The following OTOGL variants were observed in gnomAD, a reference collection of about 807,000 sequenced individuals.
OTOGL encodes the protein otogelin-like protein.
Under a neutral mutation model 318.5 loss-of-function variants are expected in OTOGL, and 285 were observed. That is an observed-to-expected ratio of 0.89 (90% CI 0.81 to 0.99). The LOEUF (loss-of-function observed/expected upper bound fraction) is 0.99, where lower values mean the gene tolerates loss of function less well. Among genes scored for constraint, OTOGL ranks in the 50% least tolerant of loss-of-function variants. OTOGL has a pLI of 0.00. For synonymous variants in OTOGL, 987 were observed against 936.5 expected, an observed-to-expected ratio of 1.05 and a Z score of -0.99; for missense variants, 2,899 against 2,845.6, an observed-to-expected ratio of 1.02 and a Z score of -0.43.
intron 1 of OTOGL, among the ~76,000 whole-genome samples, chr12:80,149,246 T>C (rs1872609265): frequency 6.6e-6 from 1 of 152,184 alleles, no homozygotes; most frequent in Non-Finnish European, 1.5e-5. Flanking sequence ...TGGATGTCCT[T>C]TCTGTTTGTT....
At chr12:80,155,359 C>T (rs1423901754) in intron 1 of OTOGL, among the ~76,000 whole-genome samples, 1 of 152,166 alleles carries the variant, frequency 6.6e-6, no homozygotes, top group African/African-American at 2.4e-5. Context: ...TCACCCTATT[C>T]AAGGCTATCT....
intron 1 of OTOGL, among the ~76,000 whole-genome samples, chr12:80,124,602 G>A (rs544162158): frequency 2.6e-5 from 4 of 152,116 alleles, no homozygotes; most frequent in African/African-American, 4.8e-5. Context: ...GATGGGGATG[G>A]CATTGAATCT....
intron 5 of OTOGL, among the ~76,000 whole-genome samples, chr12:80,218,633 T>A (rs893765977): frequency 6.6e-6 from 1 of 152,082 alleles, no homozygotes; most frequent in Non-Finnish European, 1.5e-5. Context: ...AAATTAGGGT[T>A]AGAGCTCACA....
At chr12:80,173,469 G>A (rs1266242958) in intron 1 of OTOGL, among the ~76,000 whole-genome samples, 1 of 152,104 alleles carries the variant, frequency 6.6e-6, no homozygotes, top group Non-Finnish European at 1.5e-5. Context: ...GCATGCTAAT[G>A]CTTATATTAA....
intron 58 of OTOGL, 28 bp from the exon 59 acceptor site, chr12:80,377,806 TTAAAAGTTTAAGAC>T: frequency 6.9e-7 from 1 of 1,444,022 alleles, no homozygotes; most frequent in Non-Finnish European, 9.5e-7. Context: ...ACCAGTACTT[TTAAAAGTTTAAGAC>T]TTTTTTTCTC....
intron 1 of OTOGL, among the ~76,000 whole-genome samples, chr12:80,107,900 A>G (rs1475793374): frequency 6.6e-6 from 1 of 152,122 alleles, no homozygotes; most frequent in East Asian, 1.9e-4. Context: ...AAGTAACAAG[A>G]ATACATGGAC....
At chr12:80,179,982 C>T (rs965101382) in intron 1 of OTOGL, among the ~76,000 whole-genome samples, 1 of 152,250 alleles carries the variant, frequency 6.6e-6, no homozygotes, top group Non-Finnish European at 1.5e-5. Context: ...AAAGAAGCCA[C>T]TGTATCCTGC....
rs760284368 is a variant in OTOGL at position 80,266,530 on chromosome 12, G to C, written c.2304G>C (p.Pro768=). 9.3e-6 allele frequency: 15 copies of C among 1,613,206 alleles called. No homozygotes were observed. Among genetic ancestry groups the C allele is most frequent in the Non-Finnish European group, 1.3e-5 (15 of 1,179,524 alleles). ...CLHSCISLSS[P]EQCSDDCAEG... ...ATTCCTGCATTTCTCTCTCTTCCCC[G>C]GAGCAGTGCAGTGATGACTGTGCTG... Residue 768 remains proline, a synonymous_variant, in exon 21 of 59, where the codon CCG becomes CCC. Transcript: ENST00000547103.
chr12:80,132,374 T>C (rs1871293629), intron 1 of OTOGL: 1 of 152,216 alleles, frequency 6.6e-6, no homozygotes. Flanking sequence ...AATATAAAAA[T>C]ATGTGTGGAC....
chr12:80,273,962 A>C (rs144044490), intron 24 of OTOGL, among the ~76,000 whole-genome samples: 1,623 of 152,200 alleles, frequency 0.011, 12 homozygotes, highest in Non-Finnish European at 0.016. Flanking sequence ...TGGAAAAATT[A>C]ATTGATGAAT....
chr12:80,338,695 C>G (rs1179469390), intron 42 of OTOGL, among the ~76,000 whole-genome samples: 1 of 151,836 alleles, frequency 6.6e-6, no homozygotes, highest in Non-Finnish European at 1.5e-5. Context: ...TTTAGAAGAT[C>G]AAGGAAAGAA....
intron 34 of OTOGL, among the ~76,000 whole-genome samples, chr12:80,321,335 A>G (rs1250107940): frequency 6.6e-6 from 1 of 152,200 alleles, no homozygotes; most frequent in Non-Finnish European, 1.5e-5. Context: ...TCCTCAAGAA[A>G]TCGTTTCATC....
At chr12:80,163,696 G>A (rs1424524122) in intron 1 of OTOGL, among the ~76,000 whole-genome samples, 1 of 152,080 alleles carries the variant, frequency 6.6e-6, no homozygotes, top group Non-Finnish European at 1.5e-5. Context: ...TGGCTGGGGT[G>A]ATTTGGCTTT....
rs747826713 is a variant in OTOGL at position 80,254,575 on chromosome 12, T to C, written c.1441+5T>C. On this transcript the variant is annotated splice_donor_5th_base_variant and intron_variant, in intron 15 of 58. Coordinates refer to ENST00000547103, the MANE Select transcript of OTOGL (RefSeq NM_001378609.3). ...GCACTGAGCAAGACTGTCCAGGTAATTTTTTAAAATGTTTTTATAGAGAAT... is the reference window on the plus strand; with the variant it reads ...GCACTGAGCAAGACTGTCCAGGTAACTTTTTAAAATGTTTTTATAGAGAAT... 3.7e-6 allele frequency: 6 copies of C among 1,601,272 alleles called. No homozygotes were observed. In the East Asian group the frequency reaches 1.3e-4, roughly 36 times the overall value.
chr12:80,334,307 G>A (rs957558139), intron 38 of OTOGL, among the ~76,000 whole-genome samples: 6 of 152,166 alleles, frequency 3.9e-5, no homozygotes, highest in African/African-American at 4.8e-5. Flanking sequence ...CTAAAGGGCT[G>A]GTGTCAACCA....
At chr12:80,129,590 T>C (rs1277928569) in intron 1 of OTOGL, among the ~76,000 whole-genome samples, 1 of 152,220 alleles carries the variant, frequency 6.6e-6, no homozygotes, top group Admixed American at 6.5e-5. Context: ...TTCCTCTTGA[T>C]ACCTTGAATC....
chr12:80,327,958 CAAAAAAAAAAAAAAAAAAA>C (rs397687373), intron 35 of OTOGL, among the ~76,000 whole-genome samples: 1 of 30,926 alleles, frequency 3.2e-5, no homozygotes, highest in Non-Finnish European at 4.8e-5. Context: ...GACTCTGTCT[CAAAAAAAAAAAAAAAAAAA>C]AAAAAAAAGA....
chr12:80,208,179 A>T, intron 1 of OTOGL: 1 of 515,866 alleles, frequency 1.9e-6, no homozygotes, highest in Non-Finnish European at 3.9e-6. Flanking sequence ...CTGTTGGCTC[A>T]TGGAATTAGC....
chr12:80,332,229 T>C (rs1304210300), intron 37 of OTOGL, among the ~76,000 whole-genome samples: 1 of 152,216 alleles, frequency 6.6e-6, no homozygotes, highest in Non-Finnish European at 1.5e-5. Flanking sequence ...AATGGCTACA[T>C]TGAGCTCCAA....
Sources: allele counts gnomAD v4.1 joint callset (sites outside exome capture counted in the v4.1 genomes callset), GRCh38; gene constraint gnomAD v4.1.1; transcripts MANE v1.5; gene names NCBI Gene and HGNC (gene_info 2026-07-23, HGNC 2026-07-21).